The following TFEB variants were observed in gnomAD, a reference collection of about 807,000 sequenced individuals.
TFEB encodes the protein T-cell transcription factor EB.
Under a neutral mutation model 48.0 loss-of-function variants are expected in TFEB, and 12 were observed. The ratio of observed to expected loss-of-function variants is 0.25; its 90% CI spans 0.16 to 0.40. The LOEUF is 0.40. Ranked by LOEUF, TFEB falls within the 10% of genes least tolerant of loss-of-function variation. TFEB has a pLI of 1.00. For missense variants in TFEB, 509 were observed against 640.3 expected, an observed-to-expected ratio of 0.79 and a Z score of 2.21; for synonymous variants, 244 against 261.4, an observed-to-expected ratio of 0.93 and a Z score of 0.64.
intron 1 of TFEB, among the ~76,000 whole-genome samples, chr6:41,700,594 CGCCTCTCCCAGACCCCCT>C (rs1347371078): frequency 6.6e-6 from 1 of 152,196 alleles, no homozygotes; most frequent in Middle Eastern, 3.2e-3. Context: ...CGTTCTGCAC[CGCCTCTCCCAGACCCCCT>C]GCAGGAATGC....
chr6:41,691,079 G>A lies in TFEB; in HGVS notation c.135C>T (p.Leu45=), dbSNP rs376168554. 34 of 1,573,850 alleles carry A rather than the reference G, an allele frequency of 2.2e-5. No homozygotes were observed. Among genetic ancestry groups the A allele is most frequent in the Admixed American group, 9.3e-5 (5 of 53,748 alleles). ...QQQQQQQQQQ[L]GGPPTPAINT... ...TGATGGCCGGGGTGGGCGGCCCTCC[G>A]AGCTGCTGCTGTTGCTGCTGCTGCT... Residue 45 remains leucine (L), a synonymous_variant, in exon 2 of 9, where the codon CTC becomes CTT. Transcript: ENST00000373033. The surrounding 1 kb of genome is among the most constrained non-coding windows in gnomAD (Gnocchi z 5.2).
chr6:41,695,204 G>A (rs1769514477), intron 1 of TFEB, among the ~76,000 whole-genome samples: 1 of 152,190 alleles, frequency 6.6e-6, no homozygotes, highest in Non-Finnish European at 1.5e-5. Context: ...GCCATTGGGG[G>A]GATTCAAGGT....
At chr6:41,727,651 C>T (rs1771269341) in intron 1 of TFEB, among the ~76,000 whole-genome samples, 1 of 152,128 alleles carries the variant, frequency 6.6e-6, no homozygotes, top group Admixed American at 6.5e-5. Flanking sequence ...ATGATTGTGC[C>T]ACTGCACTCC....
rs1464243785 is a variant in TFEB at position 41,723,605 on chromosome 6, C to A, written c.-23+11745G>T. 1.7e-6 allele frequency: 2 copies of A among 1,171,052 alleles called. No individual in the cohort carries two copies. The highest frequency in any genetic ancestry group is 2.2e-6 in the Non-Finnish European group (2 of 908,468). The allele number at this position is 1,171,052 out of a possible 1,614,324, so 72.5% of individuals were successfully genotyped here. A position where few individuals can be genotyped will look rare whatever the true frequency, so the allele number is the denominator to read the frequency against. On this transcript the variant is annotated intron_variant, in intron 1 of 8. Coordinates refer to ENST00000373033, the MANE Select transcript of TFEB (RefSeq NM_001271944.2). The surrounding 1 kb of genome is among the most constrained non-coding windows in gnomAD (Gnocchi z 6.0). ...CTGCTGTTTCTCACCCAGCCCCCTG[C>A]ACCTCAGCTGGAGAGGAAGTTGCAC...
At chr6:41,728,628 C>A (rs1472283411) in intron 1 of TFEB, among the ~76,000 whole-genome samples, 1 of 152,066 alleles carries the variant, frequency 6.6e-6, no homozygotes, top group East Asian at 1.9e-4. Context: ...CCTTGGCAAA[C>A]AGGAGAAAAC....
At position 41,691,576 on chromosome 6, in the gene TFEB, C is replaced by T; in HGVS notation, c.-22-341G>A. The T allele has an allele frequency of 2.1e-6, 1 of 486,326 alleles. No individual in the cohort carries two copies. The highest frequency in any genetic ancestry group is 3.8e-6 in the Non-Finnish European group (1 of 260,634). The allele number at this position is 486,326 out of a possible 1,614,324, so 30.1% of individuals were successfully genotyped here. On this transcript the variant is annotated intron_variant, in intron 1 of 8. Transcript: ENST00000373033. This position sits in a 1 kb window ranked among gnomAD's most constrained non-coding sequence, Gnocchi z 5.2. The stretch of plus-strand genomic sequence containing the variant: ...CCGACCTCATATCCACCCTCCTTTG[C>T]TGCCACAAGGTGGGCCCAGCCTATC...
At chr6:41,728,289 A>C (rs1771296513) in intron 1 of TFEB, among the ~76,000 whole-genome samples, 1 of 152,126 alleles carries the variant, frequency 6.6e-6, no homozygotes, top group South Asian at 2.1e-4. Context: ...TGCTCAGTAC[A>C]TGCCTGTTGA....
In TFEB at chr6:41,691,560, T is replaced by A. The variant is rs1581881848; in HGVS notation, c.-22-325A>T. 3.8e-6 allele frequency: 2 copies of A among 531,572 alleles called. No homozygotes were observed. The highest frequency in any genetic ancestry group is 7.0e-6 in the Non-Finnish European group (2 of 285,778). 32.9% of individuals were successfully genotyped at this position (531,572 alleles called of 1,614,324 possible). ...CCTGATCCTGTTAGATCCGACCTCA[T>A]ATCCACCCTCCTTTGCTGCCACAAG... On this transcript the variant is annotated intron_variant, in intron 1 of 8. Transcript: ENST00000373033. The surrounding 1 kb of genome is among the most constrained non-coding windows in gnomAD (Gnocchi z 5.2).
chr6:41,685,640 G>A (rs1404280149), intron 8 of TFEB, among the ~76,000 whole-genome samples: 2 of 152,188 alleles, frequency 1.3e-5, no homozygotes, highest in African/African-American at 4.8e-5. Flanking sequence ...GGTTGGCCCT[G>A]TGGAGATTCC....
At chr6:41,721,020 C>T (rs1386091026) in intron 1 of TFEB, among the ~76,000 whole-genome samples, 3 of 151,976 alleles carry the variant, frequency 2.0e-5, no homozygotes, top group Admixed American at 6.6e-5. Flanking sequence ...CAGCCCCCAG[C>T]CCCAGCCCCC....
At chr6:41,705,362 C>T (rs1770156663) in intron 1 of TFEB, among the ~76,000 whole-genome samples, 1 of 152,318 alleles carries the variant, frequency 6.6e-6, no homozygotes, top group South Asian at 2.1e-4. Context: ...TGGTCACCTG[C>T]CTGCTGACTC....
Position 41,685,070 on chromosome 6 carries a change from C to T in TFEB, c.960G>A (p.Glu320=). 2 of 1,443,924 alleles carry T rather than the reference C, an allele frequency of 1.4e-6. No homozygotes were observed. Among genetic ancestry groups the T allele is most frequent in the South Asian group, 3.0e-5 (2 of 66,014 alleles). 89.4% of individuals were successfully genotyped at this position (1,443,924 alleles called of 1,614,324 possible). The change falls in exon 9 of 9, where the codon GAG becomes GAA. Residue 320 remains glutamate (E), a synonymous_variant. Transcript: ENST00000373033. ...KQLWLRIQEL[E]MQARVHGLPT... is the part of the protein sequence containing the mutation. ...GGAGGCCGTGCACTCGAGCCTGCAT[C>T]TCCAGCTCCTGCAGGGGAGCAGACA...
Position 41,725,404 on chromosome 6 carries a change from G to T in TFEB, c.-23+9946C>A, listed in dbSNP as rs150168427. 8.5e-5 allele frequency among the ~76,000 whole-genome samples: 13 copies of T among 152,266 alleles called. No individual in the cohort carries two copies. The East Asian group carries it at 2.1e-3, about 25-fold the overall frequency. On this transcript the variant is annotated intron_variant, in intron 1 of 8. Coordinates refer to ENST00000373033, the MANE Select transcript of TFEB (RefSeq NM_001271944.2). Reference sequence around the variant, plus strand: ...AAATTGAACGGTACACCTGCTGAGGGCTCTAGCCTGAGAGTCTCCCCCTCT... The same window carrying T: ...AAATTGAACGGTACACCTGCTGAGGTCTCTAGCCTGAGAGTCTCCCCCTCT...
intron 6 of TFEB, 137 bp downstream of exon 6, chr6:41,687,616 G>T: frequency 9.4e-7 from 1 of 1,066,568 alleles, no homozygotes; most frequent in South Asian, 1.4e-5. Context: ...AGCAATGGGA[G>T]GGCTTAAGCC....
rs763029751 is a variant in TFEB at position 41,687,819 on chromosome 6, A to G, written c.671-10T>C. On this transcript the variant is annotated splice_polypyrimidine_tract_variant and intron_variant, in intron 5 of 8. Coordinates refer to ENST00000373033, the MANE Select transcript of TFEB (RefSeq NM_001271944.2). ...GCCCTGCTCTCAGCATCTGGAGGCC[A>G]AAAGAGAAGGAGAGAGGAGCTGGGA... is the stretch of plus-strand genomic sequence containing the variant. 2.2e-5 allele frequency: 36 copies of G among 1,613,388 alleles called. No individual in the cohort carries two copies. Among genetic ancestry groups the G allele is most frequent in the Non-Finnish European group, 3.0e-5 (35 of 1,179,594 alleles).
intron 1 of TFEB, among the ~76,000 whole-genome samples, chr6:41,704,923 C>T (rs538084324): frequency 1.5e-4 from 23 of 152,306 alleles, no homozygotes; most frequent in East Asian, 5.8e-4. Context: ...GGCTCTGGCC[C>T]GTGCAGGAGG....
Position 41,734,296 on chromosome 6 carries a change from C to T in TFEB, c.-23+1054G>A. On this transcript the variant is annotated intron_variant, in intron 1 of 8. Coordinates refer to ENST00000373033, the MANE Select transcript of TFEB (RefSeq NM_001271944.2). This position sits in a 1 kb window ranked among gnomAD's most constrained non-coding sequence, Gnocchi z 4.0. ...TCGCGCAGACAAGCCCCGCCCCGGGCTCCCTCCCTTCCTCACCCGGGGCGC... is the reference window on the plus strand; with the variant it reads ...TCGCGCAGACAAGCCCCGCCCCGGGTTCCCTCCCTTCCTCACCCGGGGCGC... 2 of 970,452 alleles carry T rather than the reference C, an allele frequency of 2.1e-6. No individual in the cohort carries two copies. The highest frequency in any genetic ancestry group is 2.4e-6 in the Non-Finnish European group (2 of 816,538). 60.1% of individuals were successfully genotyped at this position (970,452 alleles called of 1,614,324 possible).
chr6:41,688,646 A>C (rs1388067612), intron 4 of TFEB, among the ~76,000 whole-genome samples: 1 of 152,198 alleles, frequency 6.6e-6, no homozygotes, highest in Non-Finnish European at 1.5e-5. Flanking sequence ...AGAAACATGC[A>C]GAACAAATCA....
rs1770112247 is a variant in TFEB, at chr6:41,704,674, T to C, written c.-22-13439A>G. Among the ~76,000 whole-genome samples the C allele has an allele frequency of 2.6e-5, 4 of 152,318 alleles. No homozygotes were observed. The South Asian group carries it at 8.3e-4, about 32-fold the overall frequency. On this transcript the variant is annotated intron_variant, in intron 1 of 8. Transcript: ENST00000373033. ...AGATGTGTGGGCACATTAAAGACAC[T>C]TTACTTGTTGCCTTCTGGGGACTTA...
Sources: allele counts gnomAD v4.1 joint callset (sites outside exome capture counted in the v4.1 genomes callset), GRCh38; gene constraint gnomAD v4.1.1; non-coding constraint Gnocchi (gnomAD v3.1); transcripts MANE v1.5; gene names NCBI Gene and HGNC (gene_info 2026-07-23, HGNC 2026-07-21).